Variants in CELSR1 observed in about 807,000 individuals in gnomAD.
CELSR1 encodes cadherin EGF LAG seven-pass G-type receptor 1, also known as adhesion G protein-coupled receptor C1.
In CELSR1, 110 loss-of-function variants were observed where a neutral mutation model predicts 249.1. That is an observed-to-expected ratio of 0.44 (90% confidence interval 0.38 to 0.52). The LOEUF (loss-of-function observed/expected upper bound fraction) is 0.52. Among genes scored for constraint, CELSR1 ranks in the 20% least tolerant of loss-of-function variants. CELSR1 has a pLI of 0.00. For synonymous variants in CELSR1, 2,113 were observed against 1,900.0 expected (o/e 1.11, Z -2.92); for missense variants, 4,109 against 4,296.4 (o/e 0.96, Z 1.22).
chr22:46,490,809 C>T lies in CELSR1; in HGVS notation c.3545-26464G>A, dbSNP rs2080360331. The stretch of plus-strand genomic sequence containing the variant: ...GAACAACCACCCACCATCGAGCACC[C>T]AGCTGGCCTGGGGCTGCTGCACGTG... On this transcript the variant is annotated intron_variant, in intron 1 of 34. Coordinates refer to ENST00000674500, the MANE Select transcript of CELSR1 (RefSeq NM_001378328.1). This position sits in a 1 kb window ranked among gnomAD's most constrained non-coding sequence, Gnocchi z 5.2. Among the ~76,000 whole-genome samples, 1 of 152,176 alleles carries T rather than the reference C, an allele frequency of 6.6e-6. No homozygotes were observed. Among genetic ancestry groups the T allele is most frequent in the South Asian group, 2.1e-4 (1 of 4,830 alleles).
chr22:46,524,567 T>TGTGC lies in CELSR1; in HGVS notation c.3544+9059_3544+9060insGCAC, dbSNP rs2080719820. On this transcript the variant is annotated intron_variant, in intron 1 of 34. Coordinates refer to ENST00000674500, the MANE Select transcript of CELSR1 (RefSeq NM_001378328.1). ...GTGTGTGTGTGTGTGTGTGTGTGTG[T>TGTGC]GTGTCTGTCTGTCTGTGTGTTTTGT... 4.5e-5 allele frequency among the ~76,000 whole-genome samples: 3 copies of TGTGC among 66,370 alleles called. No individual in the cohort carries two copies. In the South Asian group the frequency reaches 1.9e-3, roughly 42 times the overall value. 43.5% of individuals were successfully genotyped at this position (66,370 alleles called of 152,430 possible). A position where few individuals can be genotyped will look rare whatever the true frequency, so the allele number is the denominator to read the frequency against.
intron 9 of CELSR1, among the ~76,000 whole-genome samples, chr22:46,400,985 T>C (rs2079205415): frequency 6.6e-6 from 1 of 152,056 alleles, no homozygotes; most frequent in Non-Finnish European, 1.5e-5. Flanking sequence ...AGTTGTTCTT[T>C]GTTGCTGTTG....
At chr22:46,439,053 T>C (rs540895859) in intron 3 of CELSR1, 136 bp downstream of exon 3, 66 of 865,704 alleles carry the variant, frequency 7.6e-5, no homozygotes, top group Middle Eastern at 3.3e-4. Flanking sequence ...CCACCGCGCC[T>C]GGCCTGGAGC....
Position 46,446,983 on chromosome 22 carries a change from C to T in CELSR1, c.4184-7572G>A, listed in dbSNP as rs916816130. On this transcript the variant is annotated intron_variant, in intron 2 of 34. Coordinates refer to ENST00000674500, the MANE Select transcript of CELSR1 (RefSeq NM_001378328.1). The surrounding 1 kb of genome is among the most constrained non-coding windows in gnomAD (Gnocchi z 5.5). The stretch of plus-strand genomic sequence containing the variant: ...TGGTGGTTAAGCACTTGCAGCACAG[C>T]CCTGCACAGAAGATAAAGTTAAGCA... Among the ~76,000 whole-genome samples the T allele has an allele frequency of 1.3e-5, 2 of 152,008 alleles. No individual in the cohort carries two copies. The highest frequency in any genetic ancestry group is 4.8e-5 in the African/African-American group (2 of 41,366).
chr22:46,438,695 G>A (rs1300814025), intron 3 of CELSR1, among the ~76,000 whole-genome samples: 1 of 152,186 alleles, frequency 6.6e-6, no homozygotes, highest in Admixed American at 6.5e-5. Context: ...GGCTGGGGAG[G>A]GAGCAGGGAA....
chr22:46,479,860 T>C (rs2080249115), intron 1 of CELSR1, among the ~76,000 whole-genome samples: 1 of 152,170 alleles, frequency 6.6e-6, no homozygotes, highest in Admixed American at 6.5e-5. Context: ...CTGCCTCTCC[T>C]TCACTCTCAG....
rs1323214637 is a variant in CELSR1, at chr22:46,390,085, G to A, written c.6345+307C>T. Reference sequence around the variant, plus strand: ...TGGGAGACGTGGGAACAAAAGCCATGAAATAGGGCAGGATCAGAGGGCAAA... The same window carrying A: ...TGGGAGACGTGGGAACAAAAGCCATAAAATAGGGCAGGATCAGAGGGCAAA... On this transcript the variant is annotated intron_variant, in intron 17 of 34. Transcript: ENST00000674500. This position sits in a 1 kb window ranked among gnomAD's most constrained non-coding sequence, Gnocchi z 6.3. 4.6e-5 allele frequency among the ~76,000 whole-genome samples: 7 copies of A among 152,232 alleles called. No homozygotes were observed.
In CELSR1 at chr22:46,447,624, T is replaced by C. The variant is rs1050696198; in HGVS notation, c.4184-8213A>G. Among the ~76,000 whole-genome samples, 18 of 152,284 alleles carry C rather than the reference T, an allele frequency of 1.2e-4. No homozygotes were observed. The East Asian group carries it at 3.3e-3, about 28-fold the overall frequency. On this transcript the variant is annotated intron_variant, in intron 2 of 34. Coordinates refer to ENST00000674500, the MANE Select transcript of CELSR1 (RefSeq NM_001378328.1). This position sits in a 1 kb window ranked among gnomAD's most constrained non-coding sequence, Gnocchi z 4.7. ...GACGCAGGGCTCAGCTTCCTGGCTA[T>C]AGTACAGAAAAGCTTTTTAAGAGAG... is the stretch of plus-strand genomic sequence containing the variant.
Position 46,433,887 on chromosome 22 carries a change from G to A in CELSR1, c.4523-406C>T, listed in dbSNP as rs764141870. Among the ~76,000 whole-genome samples the A allele has an allele frequency of 6.6e-6, 1 of 152,160 alleles. No homozygotes were observed. Among genetic ancestry groups the A allele is most frequent in the South Asian group, 2.1e-4 (1 of 4,830 alleles). On this transcript the variant is annotated intron_variant, in intron 4 of 34. Coordinates refer to ENST00000674500, the MANE Select transcript of CELSR1 (RefSeq NM_001378328.1). This position sits in a 1 kb window ranked among gnomAD's most constrained non-coding sequence, Gnocchi z 5.7. The stretch of plus-strand genomic sequence containing the variant: ...TTTAGTAGAGATGGGGTTTCACCAT[G>A]TTGGCTAGTCTAGTCTCGAACTCCT...
intron 1 of CELSR1, chr22:46,481,336 A>G: frequency 1.5e-6 from 1 of 685,662 alleles, no homozygotes; most frequent in Non-Finnish European, 2.6e-6. Flanking sequence ...TTATTTCCCA[A>G]TGGATGAGAG....
chr22:46,478,500 C>A (rs891742429), intron 1 of CELSR1, among the ~76,000 whole-genome samples: 1 of 152,016 alleles, frequency 6.6e-6, no homozygotes, highest in African/African-American at 2.4e-5. Context: ...GACGTGTCCA[C>A]GAGCCACTGC....
chr22:46,429,455 T>A lies in CELSR1; in HGVS notation c.4611+3938A>T, dbSNP rs2079570400. Reference sequence around the variant, plus strand: ...GTGGGCGTGGGGGCTGTGTTGTTCATCTGTGCTTGGCGGAGCGCCACACAA... The same window carrying A: ...GTGGGCGTGGGGGCTGTGTTGTTCAACTGTGCTTGGCGGAGCGCCACACAA... On this transcript the variant is annotated intron_variant, in intron 5 of 34. Transcript: ENST00000674500. The surrounding 1 kb of genome is among the most constrained non-coding windows in gnomAD (Gnocchi z 4.1). 1.3e-5 allele frequency among the ~76,000 whole-genome samples: 2 copies of A among 152,236 alleles called. No individual in the cohort carries two copies. Among genetic ancestry groups the A allele is most frequent in the Non-Finnish European group, 2.9e-5 (2 of 68,042 alleles).
In CELSR1 at chr22:46,417,512, G is replaced by A. The variant is rs533748003; in HGVS notation, c.4612-5753C>T. On this transcript the variant is annotated intron_variant, in intron 5 of 34. Transcript: ENST00000674500. The surrounding 1 kb of genome is among the most constrained non-coding windows in gnomAD (Gnocchi z 4.1). ...TTTGATGACCTGGCTCGAAGGGTGC[G>A]GTATTCCCCCAGGGCTGTCAGCAGC... Among the ~76,000 whole-genome samples, 4 of 152,284 alleles carry A rather than the reference G, an allele frequency of 2.6e-5. No individual in the cohort carries two copies. Among genetic ancestry groups the A allele is most frequent in the East Asian group, 1.9e-4 (1 of 5,172 alleles).
chr22:46,520,661 C>T (rs546400893), intron 1 of CELSR1, among the ~76,000 whole-genome samples: 116 of 152,172 alleles, frequency 7.6e-4, no homozygotes, highest in African/African-American at 2.7e-3. Context: ...AAGGTTTCAC[C>T]ATGTTGGCCA....
At chr22:46,511,081 T>C (rs1485079944) in intron 1 of CELSR1, among the ~76,000 whole-genome samples, 3 of 151,784 alleles carry the variant, frequency 2.0e-5, no homozygotes, top group Non-Finnish European at 4.4e-5. Flanking sequence ...GTCATCGCAC[T>C]CCAGCCTGGA....
chr22:46,536,916 CG>C lies in CELSR1; in HGVS notation c.254del (p.Pro85ArgfsTer17). On this transcript the variant is annotated frameshift_variant, in exon 1 of 35. Coordinates refer to ENST00000674500, the MANE Select transcript of CELSR1 (RefSeq NM_001378328.1). LOFTEE classifies it high-confidence loss of function. ...CCACCAAGCGGACTTGCAGCGGCAGCGGGCGCCCCGCGCCCGAGACGCGCCG... is the reference window on the plus strand; with the variant it reads ...CCACCAAGCGGACTTGCAGCGGCAGCGGCGCCCCGCGCCCGAGACGCGCCG... Reference protein sequence around the residue: ...GRRRVSGAGRPLPLQVRLVAR... With the variant: ...GRRRVSGAGRXLPLQVRLVAR... The C allele has an allele frequency of 8.5e-7, 1 of 1,182,286 alleles. No homozygotes were observed. The highest frequency in any genetic ancestry group is 1.0e-6 in the Non-Finnish European group (1 of 955,820). The allele number at this position is 1,182,286 out of a possible 1,614,324, so 73.2% of individuals were successfully genotyped here.
At chr22:46,489,164 G>A (rs906933988) in intron 1 of CELSR1, among the ~76,000 whole-genome samples, 7 of 151,848 alleles carry the variant, frequency 4.6e-5, no homozygotes, top group Admixed American at 2.0e-4. Flanking sequence ...TGGGGATGGC[G>A]AAGTGCCCTT....
intron 1 of CELSR1, among the ~76,000 whole-genome samples, chr22:46,520,589 T>C (rs2080675611): frequency 6.6e-6 from 1 of 151,998 alleles, no homozygotes; most frequent in Non-Finnish European, 1.5e-5. Context: ...GCCTCCTGAG[T>C]AGTTGGGATT....
intron 1 of CELSR1, among the ~76,000 whole-genome samples, chr22:46,505,090 G>A (rs957485697): frequency 8.6e-5 from 13 of 151,702 alleles, no homozygotes; most frequent in African/African-American, 2.7e-4. Flanking sequence ...GTGAAACCCC[G>A]TCTCTATTAA....
Sources: allele counts gnomAD v4.1 joint callset (sites outside exome capture counted in the v4.1 genomes callset), GRCh38; gene constraint gnomAD v4.1.1; non-coding constraint Gnocchi (gnomAD v3.1); transcripts MANE v1.5; gene names NCBI Gene and HGNC (gene_info 2026-07-23, HGNC 2026-07-21).